Variants in RPTOR observed in about 807,000 individuals in gnomAD.
The protein encoded by RPTOR is regulatory-associated protein of mTOR.
A neutral mutation model predicts 169.9 loss-of-function variants in RPTOR; 21 were observed. That is an observed-to-expected ratio of 0.12 (90% CI 0.09 to 0.18). The LOEUF (loss-of-function observed/expected upper bound fraction) is 0.18. RPTOR is among the 10% of genes least tolerant of loss of function. The pLI is 1.00. For synonymous variants in RPTOR, 732 were observed against 753.2 expected, an observed-to-expected ratio of 0.97 and a Z score of 0.46; for missense variants, 1,133 against 1,855.9, an observed-to-expected ratio of 0.61 and a Z score of 7.16.
chr17:80,829,742 G>A (rs2067483259), intron 9 of RPTOR, among the ~76,000 whole-genome samples: 1 of 152,200 alleles, frequency 6.6e-6, no homozygotes, highest in African/African-American at 2.4e-5. Flanking sequence ...AGCCCCTCCT[G>A]TGCGTGTCCA....
At chr17:80,938,940 C>A (rs138238797) in intron 24 of RPTOR, among the ~76,000 whole-genome samples, 1 of 152,326 alleles carries the variant, frequency 6.6e-6, no homozygotes, top group Non-Finnish European at 1.5e-5. Context: ...CACGGAGAAA[C>A]CGTTTTCTTT....
chr17:80,946,724 A>G (rs1291804527), intron 26 of RPTOR, among the ~76,000 whole-genome samples: 4 of 152,198 alleles, frequency 2.6e-5, no homozygotes, highest in African/African-American at 9.7e-5. Flanking sequence ...TCATCTGTTC[A>G]TGGACACCTG....
intron 3 of RPTOR, among the ~76,000 whole-genome samples, chr17:80,690,819 G>A (rs34267318): frequency 0.18 from 26,582 of 151,726 alleles, 3,688 homozygotes; most frequent in African/African-American, 0.39. Context: ...TTGCAACAGG[G>A]GATCTCACTT....
At chr17:80,866,112 C>T (rs1301630291) in intron 13 of RPTOR, among the ~76,000 whole-genome samples, 1 of 149,704 alleles carries the variant, frequency 6.7e-6, no homozygotes, top group Non-Finnish European at 1.5e-5. Context: ...TATTAAGATA[C>T]ATAGATATTA....
chr17:80,552,327 C>T (rs552586776), intron 1 of RPTOR, among the ~76,000 whole-genome samples: 100 of 152,312 alleles, frequency 6.6e-4, no homozygotes, highest in African/African-American at 2.3e-3. Flanking sequence ...ATAGAAACTC[C>T]TGGAATGCTT....
intron 20 of RPTOR, 114 bp downstream of exon 20, chr17:80,893,979 A>C (rs2068366989): frequency 8.8e-7 from 1 of 1,130,362 alleles, no homozygotes. Context: ...CTGTCTGTTC[A>C]AAAGAAAGAA....
chr17:80,748,644 A>G (rs1405219029), intron 5 of RPTOR, among the ~76,000 whole-genome samples: 27 of 51,808 alleles, frequency 5.2e-4, no homozygotes, highest in East Asian at 1.9e-3. Context: ...GGCCGTGGCG[A>G]GAGGACCTGT....
intron 1 of RPTOR, among the ~76,000 whole-genome samples, chr17:80,573,964 C>T (rs1349747534): frequency 2.6e-5 from 4 of 152,186 alleles, no homozygotes; most frequent in Non-Finnish European, 5.9e-5. Flanking sequence ...GCCCACATGC[C>T]TGGGTCGGGG....
chr17:80,566,768 G>T (rs2064846097), intron 1 of RPTOR, among the ~76,000 whole-genome samples: 1 of 134,884 alleles, frequency 7.4e-6, no homozygotes, highest in Non-Finnish European at 1.5e-5. Flanking sequence ...AGCTTGCAGT[G>T]AGCCAAGACC....
chr17:80,582,607 G>A (rs557430627), intron 1 of RPTOR, among the ~76,000 whole-genome samples: 25 of 145,178 alleles, frequency 1.7e-4, no homozygotes, highest in Admixed American at 4.2e-4. Flanking sequence ...GTGCAATGGC[G>A]TGATCTCGGC....
At position 80,765,312 on chromosome 17, in the gene RPTOR, C is replaced by T. The variant is rs527270053; in HGVS notation, c.830+11127C>T. Among the ~76,000 whole-genome samples the T allele has an allele frequency of 2.0e-5, 3 of 152,332 alleles. No individual in the cohort carries two copies. In the East Asian group the frequency reaches 5.8e-4, roughly 29 times the overall value. ...GAGCCAGTTGTCTCAGTTCTTGATA[C>T]TTGCTGACAGCAGGCTTTGGGAGGT... On this transcript the variant is annotated intron_variant, in intron 6 of 33. Transcript: ENST00000306801.
At chr17:80,873,585 G>A (rs2068074182) in intron 13 of RPTOR, among the ~76,000 whole-genome samples, 2 of 152,208 alleles carry the variant, frequency 1.3e-5, no homozygotes, top group South Asian at 2.1e-4. Context: ...TGCAGAGGCT[G>A]TTGCCCGGGG....
At position 80,650,210 on chromosome 17, in the gene RPTOR, C is replaced by T. The variant is rs542783677; in HGVS notation, c.348+6400C>T. Among the ~76,000 whole-genome samples the T allele has an allele frequency of 1.3e-5, 2 of 152,352 alleles. 1 individual carries two copies. Among genetic ancestry groups the T allele is most frequent in the South Asian group, 4.1e-4 (2 of 4,828 alleles). ...TTAGAGCTGGTCCCAGAGGGGACCC[C>T]TGCTGGCCAGCCCTGTGTTGGACTC... is the stretch of plus-strand genomic sequence containing the variant. On this transcript the variant is annotated intron_variant, in intron 3 of 33. Transcript: ENST00000306801.
At chr17:80,727,792 T>G (rs2066352998) in intron 4 of RPTOR, among the ~76,000 whole-genome samples, 1 of 152,206 alleles carries the variant, frequency 6.6e-6, no homozygotes, top group Non-Finnish European at 1.5e-5. Context: ...ACATCTCATG[T>G]ACAAATGCAA....
chr17:80,722,515 G>C (rs2066295410), intron 4 of RPTOR, among the ~76,000 whole-genome samples: 1 of 150,936 alleles, frequency 6.6e-6, no homozygotes, highest in African/African-American at 2.5e-5. Context: ...CCTGGGGAGA[G>C]AGTGTGTGTT....
At chr17:80,871,168 C>T (rs1205273164) in intron 13 of RPTOR, among the ~76,000 whole-genome samples, 1 of 152,054 alleles carries the variant, frequency 6.6e-6, no homozygotes, top group East Asian at 1.9e-4. Context: ...TGCAGTGGCG[C>T]GATCTCGGCT....
intron 2 of RPTOR, among the ~76,000 whole-genome samples, chr17:80,627,836 AT>A (rs34155053): frequency 0.21 from 28,880 of 139,488 alleles, 2,494 homozygotes; most frequent in East Asian, 0.26. Flanking sequence ...GTATGTTTAA[AT>A]TTTTTTTTTT....
rs1555625707 is a variant in RPTOR at position 80,841,547 on chromosome 17, C to CTCACTCTCACCGCACGGCAGA, written c.1212+3571_1212+3591dup. ...GCAGCTCACTCTCACCACACGGCAG[C>CTCACTCTCACCGCACGGCAGA]TCACTCTCACCGCACGGCAGATCAC... On this transcript the variant is annotated intron_variant, in intron 10 of 33. Transcript: ENST00000306801. Among the ~76,000 whole-genome samples, 327 of 123,550 alleles carry CTCACTCTCACCGCACGGCAGA rather than the reference C, an allele frequency of 2.6e-3. 16 individuals are homozygous for CTCACTCTCACCGCACGGCAGA. The highest frequency in any genetic ancestry group is 3.7e-3 in the East Asian group (13 of 3,548). 81.1% of individuals were successfully genotyped at this position (123,550 alleles called of 152,430 possible).
At chr17:80,724,660 C>T (rs1224920287) in intron 4 of RPTOR, among the ~76,000 whole-genome samples, 5 of 152,188 alleles carry the variant, frequency 3.3e-5, no homozygotes, top group African/African-American at 1.2e-4. Context: ...TCACATCTAC[C>T]TGCTCAGCCT....
Sources: gnomAD v4.1 joint callset for allele counts (sites outside exome capture counted in the v4.1 genomes callset) on GRCh38, gnomAD v4.1.1 for gene constraint, MANE v1.5 for transcripts, NCBI Gene and HGNC (gene_info 2026-07-23, HGNC 2026-07-21) for gene names.